AUTS2: variants seen among roughly 807,000 people sequenced by gnomAD.
AUTS2 encodes autism susceptibility gene 2 protein.
In AUTS2, 17 loss-of-function variants were observed where a neutral mutation model predicts 112.4. The observed-to-expected ratio is 0.15, with a 90% confidence interval of 0.10 to 0.23. AUTS2 has a LOEUF of 0.23. Ranked by LOEUF, AUTS2 falls within the 10% of genes least tolerant of loss-of-function variation. The pLI, the probability that AUTS2 is intolerant of heterozygous loss-of-function variation, is 1.00. For missense variants in AUTS2, 1,510 were observed against 1,701.6 expected, an observed-to-expected ratio of 0.89 and a Z score of 1.98; for synonymous variants, 751 against 702.7, an observed-to-expected ratio of 1.07 and a Z score of -1.09.
chr7:69,802,625 T>C lies in AUTS2; in HGVS notation c.310-96661T>C, dbSNP rs182801705. ...AGGAACTTTAGGTTCTTTCTGAACC[T>C]TAGAGTACTGGCTCATAGTGCCTGT... On this transcript the variant is annotated intron_variant, in intron 1 of 18. Coordinates refer to ENST00000342771, the MANE Select transcript of AUTS2 (RefSeq NM_015570.4). Among the ~76,000 whole-genome samples, 40 of 152,342 alleles carry C rather than the reference T, an allele frequency of 2.6e-4. No individual in the cohort carries two copies. The East Asian group carries it at 7.1e-3, about 27-fold the overall frequency.
chr7:70,544,807 G>A (rs1800703598), intron 5 of AUTS2, among the ~76,000 whole-genome samples: 1 of 152,098 alleles, frequency 6.6e-6, no homozygotes, highest in Admixed American at 6.5e-5. Context: ...TGTGCTGGGG[G>A]CTCTGTACAG....
chr7:70,294,603 C>T (rs1022613574), intron 4 of AUTS2, among the ~76,000 whole-genome samples: 1 of 152,162 alleles, frequency 6.6e-6, no homozygotes. Flanking sequence ...ATCCAAAATG[C>T]CCTGATGTTC....
chr7:69,864,181 T>A (rs532941790), intron 1 of AUTS2, among the ~76,000 whole-genome samples: 1 of 152,298 alleles, frequency 6.6e-6, no homozygotes, highest in South Asian at 2.1e-4. Context: ...CAACATTTAG[T>A]AGATTACTGT....
At chr7:70,339,389 C>A (rs1019214078) in intron 4 of AUTS2, among the ~76,000 whole-genome samples, 1 of 152,122 alleles carries the variant, frequency 6.6e-6, no homozygotes, top group Non-Finnish European at 1.5e-5. Context: ...TCCAAAACAA[C>A]GTGCTAATTT....
At chr7:70,156,624 C>G (rs889905008) in intron 4 of AUTS2, among the ~76,000 whole-genome samples, 1 of 151,972 alleles carries the variant, frequency 6.6e-6, no homozygotes, top group Non-Finnish European at 1.5e-5. Context: ...GTTTGTGATT[C>G]CTTCTCTCTC....
intron 2 of AUTS2, among the ~76,000 whole-genome samples, chr7:70,042,076 TTG>T (rs982586613): frequency 1.3e-5 from 2 of 152,164 alleles, no homozygotes; most frequent in African/African-American, 4.8e-5. Context: ...ATTCATTTCA[TTG>T]TGTGTGTTAT....
intron 1 of AUTS2, among the ~76,000 whole-genome samples, chr7:69,851,029 A>G (rs1293623090): frequency 6.6e-6 from 1 of 152,218 alleles, no homozygotes; most frequent in African/African-American, 2.4e-5. Context: ...TTGTGTAAGT[A>G]TGAGGTTTAG....
intron 2 of AUTS2, among the ~76,000 whole-genome samples, chr7:70,083,232 C>T (rs776399809): frequency 1.3e-5 from 2 of 152,128 alleles, no homozygotes; most frequent in Non-Finnish European, 2.9e-5. Context: ...AGGGAACCCA[C>T]GAGTTTCCTC....
At chr7:70,081,248 A>G (rs1213727084) in intron 2 of AUTS2, among the ~76,000 whole-genome samples, 1 of 151,988 alleles carries the variant, frequency 6.6e-6, no homozygotes, top group Non-Finnish European at 1.5e-5. Flanking sequence ...TAAAACTGGG[A>G]TTAGAAACTC....
chr7:69,859,518 T>G (rs921190536), intron 1 of AUTS2, among the ~76,000 whole-genome samples: 1 of 152,230 alleles, frequency 6.6e-6, no homozygotes, highest in Non-Finnish European at 1.5e-5. Flanking sequence ...TTCATTTGTT[T>G]GTGGTTATTG....
At chr7:70,082,846 C>T (rs1803388014) in intron 2 of AUTS2, among the ~76,000 whole-genome samples, 1 of 152,124 alleles carries the variant, frequency 6.6e-6, no homozygotes, top group Non-Finnish European at 1.5e-5. Flanking sequence ...TATATAAGGT[C>T]ACCAGTAAAT....
chr7:69,625,586 C>T (rs759158297), intron 1 of AUTS2, among the ~76,000 whole-genome samples: 2 of 152,088 alleles, frequency 1.3e-5, no homozygotes, highest in Non-Finnish European at 2.9e-5. Flanking sequence ...GGGCTGCGCA[C>T]GGTGGCTCAT....
chr7:70,076,602 A>G (rs1271248232), intron 2 of AUTS2, among the ~76,000 whole-genome samples: 2 of 152,170 alleles, frequency 1.3e-5, no homozygotes, highest in African/African-American at 2.4e-5. Context: ...AATTATGTCA[A>G]TATTTTTATT....
intron 1 of AUTS2, 40 bp downstream of exon 1, chr7:69,600,002 C>G: frequency 8.7e-6 from 14 of 1,604,162 alleles, no homozygotes; most frequent in Non-Finnish European, 1.1e-5. Flanking sequence ...CCTTTATGCA[C>G]GACCCCACTC....
chr7:70,063,295 A>G (rs2129561171), intron 2 of AUTS2, among the ~76,000 whole-genome samples: 1 of 149,996 alleles, frequency 6.7e-6, no homozygotes, highest in Non-Finnish European at 1.5e-5. Flanking sequence ...GGTTCAGCCT[A>G]GGGGTTCTTT....
At chr7:70,743,388 GA>G (rs1332217144) in intron 6 of AUTS2, among the ~76,000 whole-genome samples, 2 of 142,652 alleles carry the variant, frequency 1.4e-5, no homozygotes, top group Non-Finnish European at 3.0e-5. Context: ...AGAACCACTT[GA>G]ACTTGGGAGG....
chr7:70,754,092 C>T (rs1439763242), intron 6 of AUTS2, among the ~76,000 whole-genome samples: 2 of 152,036 alleles, frequency 1.3e-5, no homozygotes, highest in South Asian at 2.1e-4. Flanking sequence ...ACCCAGGAAG[C>T]GGAGCTTACA....
At chr7:70,288,356 C>T (rs568827655) in intron 4 of AUTS2, among the ~76,000 whole-genome samples, 1 of 152,176 alleles carries the variant, frequency 6.6e-6, no homozygotes, top group East Asian at 1.9e-4. Flanking sequence ...GAGCCCAGAT[C>T]GTGCCACTGC....
At chr7:70,297,179 C>T (rs1788981349) in intron 4 of AUTS2, among the ~76,000 whole-genome samples, 1 of 151,894 alleles carries the variant, frequency 6.6e-6, no homozygotes, top group Non-Finnish European at 1.5e-5. Context: ...CCCTGCCTTA[C>T]ACCACCCAGA....
Sources: gnomAD v4.1 joint callset for allele counts (sites outside exome capture counted in the v4.1 genomes callset) on GRCh38, gnomAD v4.1.1 for gene constraint, MANE v1.5 for transcripts, NCBI Gene and HGNC (gene_info 2026-07-23, HGNC 2026-07-21) for gene names.